ADAM12: variants seen among roughly 807,000 people sequenced by gnomAD.
The protein encoded by ADAM12 is ADAM metallopeptidase domain 12.
ADAM12 carries 70 observed loss-of-function variants against 106.4 expected under a neutral mutation model. The ratio of observed to expected loss-of-function variants is 0.66; its 90% CI spans 0.54 to 0.80. ADAM12 has a LOEUF of 0.80. Ranked by LOEUF, ADAM12 falls within the 30% of genes least tolerant of loss-of-function variation. ADAM12 has a pLI of 0.00. For missense variants in ADAM12, 1,010 were observed against 1,171.9 expected, an observed-to-expected ratio of 0.86 and a Z score of 2.02; for synonymous variants, 420 against 433.5, an observed-to-expected ratio of 0.97 and a Z score of 0.39.
At chr10:126,319,379 T>C (rs1359715969) in intron 2 of ADAM12, among the ~76,000 whole-genome samples, 1 of 152,062 alleles carries the variant, frequency 6.6e-6, no homozygotes, top group African/African-American at 2.4e-5. Context: ...AGATAAGACA[T>C]ATGCACAGTA....
intron 3 of ADAM12, among the ~76,000 whole-genome samples, chr10:126,272,047 A>T (rs972568323): frequency 1.6e-4 from 25 of 152,130 alleles, no homozygotes; most frequent in African/African-American, 6.0e-4. Context: ...GAGCTGCTTC[A>T]TTCTACATTT....
At position 126,108,555 on chromosome 10, in the gene ADAM12, C is replaced by T. The variant is rs774368613; in HGVS notation, c.741+38G>A. 2.1e-5 allele frequency: 33 copies of T among 1,573,710 alleles called. No individual in the cohort carries two copies. The South Asian group carries it at 2.3e-4, about 11-fold the overall frequency. On this transcript the variant is annotated intron_variant, in intron 8 of 22. Transcript: ENST00000448723. ...CCCCAACCTCATTTCCAAACATTTA[C>T]ATGATCTGAATGATTTAACTACTGA...
At chr10:126,055,436 C>G (rs924123818) in intron 14 of ADAM12, among the ~76,000 whole-genome samples, 14 of 152,228 alleles carry the variant, frequency 9.2e-5, no homozygotes, top group Non-Finnish European at 1.9e-4. Context: ...AGATCATCAG[C>G]AGGCCACTTG....
At chr10:126,077,065 C>A (rs898930338) in intron 11 of ADAM12, among the ~76,000 whole-genome samples, 5 of 152,146 alleles carry the variant, frequency 3.3e-5, no homozygotes, top group Non-Finnish European at 7.4e-5. Flanking sequence ...TTTCAGGATA[C>A]AAAATCAATG....
intron 4 of ADAM12, among the ~76,000 whole-genome samples, chr10:126,150,928 A>G (rs1331640350): frequency 2.0e-5 from 3 of 152,232 alleles, no homozygotes; most frequent in Non-Finnish European, 4.4e-5. Context: ...TTACTTCCTT[A>G]GTGAAATGGC....
At chr10:126,340,233 G>A (rs1254556003) in intron 1 of ADAM12, among the ~76,000 whole-genome samples, 1 of 152,218 alleles carries the variant, frequency 6.6e-6, no homozygotes, top group Non-Finnish European at 1.5e-5. Flanking sequence ...TATAAAGCCT[G>A]AAGAATGGAT....
At chr10:126,167,667 C>T (rs932313981) in intron 3 of ADAM12, among the ~76,000 whole-genome samples, 5 of 152,236 alleles carry the variant, frequency 3.3e-5, no homozygotes, top group Admixed American at 6.5e-5. Flanking sequence ...TTCATTAGTG[C>T]CACATACCAC....
At chr10:126,324,156 A>G (rs1238398650) in intron 2 of ADAM12, among the ~76,000 whole-genome samples, 4 of 152,260 alleles carry the variant, frequency 2.6e-5, no homozygotes, top group African/African-American at 7.2e-5. Context: ...ATATGATTGC[A>G]CATCACAGAG....
rs114708205 is a variant in ADAM12 at position 126,067,584 on chromosome 10, G to A, written c.1324-778C>T. Among the ~76,000 whole-genome samples, 232 of 152,330 alleles carry A rather than the reference G, an allele frequency of 1.5e-3. 1 individual carries two copies. Among genetic ancestry groups the A allele is most frequent in the African/African-American group, 5.4e-3 (223 of 41,572 alleles). On this transcript the variant is annotated intron_variant, in intron 12 of 22. Transcript: ENST00000448723. ...CCATTTTTTCCTAACAAAAACAAGAGATTGACATTTTTCGCTCAGTTCTCA... is the reference window on the plus strand; with the variant it reads ...CCATTTTTTCCTAACAAAAACAAGAAATTGACATTTTTCGCTCAGTTCTCA...
intron 3 of ADAM12, among the ~76,000 whole-genome samples, chr10:126,203,246 A>G (rs1957734185): frequency 6.6e-6 from 1 of 151,860 alleles, no homozygotes; most frequent in South Asian, 2.1e-4. Flanking sequence ...AATTTCCTAT[A>G]AGAAACTAGA....
intron 20 of ADAM12, among the ~76,000 whole-genome samples, chr10:126,036,893 T>C (rs999546934): frequency 6.6e-5 from 10 of 152,308 alleles, no homozygotes; most frequent in African/African-American, 2.2e-4. Context: ...AACAGCTTAA[T>C]TGAGGTATAG....
intron 3 of ADAM12, among the ~76,000 whole-genome samples, chr10:126,187,628 A>T (rs945387634): frequency 6.6e-6 from 1 of 152,198 alleles, no homozygotes; most frequent in Non-Finnish European, 1.5e-5. Flanking sequence ...TGTTAAGGCA[A>T]TCCAACCCTA....
At chr10:126,103,984 C>T (rs548650223) in intron 8 of ADAM12, among the ~76,000 whole-genome samples, 1 of 152,254 alleles carries the variant, frequency 6.6e-6, no homozygotes, top group East Asian at 1.9e-4. Context: ...CAGTGAACTG[C>T]CAAGCAGTGG....
intron 1 of ADAM12, among the ~76,000 whole-genome samples, chr10:126,375,440 G>T (rs1464198798): frequency 6.6e-6 from 1 of 152,010 alleles, no homozygotes; most frequent in East Asian, 1.9e-4. Context: ...AAAAAAACAG[G>T]AGGCACAATG....
intron 4 of ADAM12, among the ~76,000 whole-genome samples, chr10:126,152,850 CA>C (rs1956753066): frequency 6.6e-6 from 1 of 152,152 alleles, no homozygotes; most frequent in Non-Finnish European, 1.5e-5. Context: ...ACACTCTTAT[CA>C]AAATCTAAAG....
chr10:126,172,602 A>G (rs959894934), intron 3 of ADAM12, among the ~76,000 whole-genome samples: 1 of 152,192 alleles, frequency 6.6e-6, no homozygotes, highest in Non-Finnish European at 1.5e-5. Context: ...AAAGTCAGGA[A>G]ACAACAGATG....
chr10:126,142,979 T>C (rs527733532), intron 4 of ADAM12, among the ~76,000 whole-genome samples: 10 of 152,048 alleles, frequency 6.6e-5, no homozygotes, highest in Admixed American at 2.0e-4. Flanking sequence ...AGTGTGCATG[T>C]GTATATATGC....
Position 126,106,882 on chromosome 10 carries a change from A to C in ADAM12, c.741+1711T>G, listed in dbSNP as rs112969095. On this transcript the variant is annotated intron_variant, in intron 8 of 22. Coordinates refer to ENST00000448723, the MANE Select transcript of ADAM12 (RefSeq NM_001288973.2). ...ACTGCAGGAATATTTTTCTACTATCATGTGTGTCTCTCCCCTGCTTAAAAA... is the reference window on the plus strand; with the variant it reads ...ACTGCAGGAATATTTTTCTACTATCCTGTGTGTCTCTCCCCTGCTTAAAAA... Among the ~76,000 whole-genome samples the C allele has an allele frequency of 4.5e-3, 681 of 150,908 alleles. 5 individuals carry two copies. The highest frequency in any genetic ancestry group is 0.015 in the African/African-American group (608 of 41,418).
chr10:126,323,543 G>A (rs1013889090), intron 2 of ADAM12, among the ~76,000 whole-genome samples: 2 of 152,170 alleles, frequency 1.3e-5, no homozygotes, highest in Non-Finnish European at 2.9e-5. Context: ...TCAGGATCCA[G>A]GCACGGATAA....
Sources: allele counts gnomAD v4.1 joint callset (sites outside exome capture counted in the v4.1 genomes callset), GRCh38; gene constraint gnomAD v4.1.1; transcripts MANE v1.5; gene names NCBI Gene and HGNC (gene_info 2026-07-23, HGNC 2026-07-21).